Variants in NPAS3 observed in about 807,000 individuals in gnomAD.
NPAS3 encodes neuronal PAS domain-containing protein 3.
A neutral mutation model predicts 73.1 loss-of-function variants in NPAS3; 14 were observed. That is an observed-to-expected ratio of 0.19 (90% CI 0.13 to 0.30). NPAS3 has a LOEUF of 0.30. Among genes scored for constraint, NPAS3 ranks in the 10% least tolerant of loss-of-function variants. The pLI, the probability that NPAS3 is intolerant of heterozygous loss-of-function variation, is 1.00. For synonymous variants in NPAS3, 620 were observed against 541.5 expected, an observed-to-expected ratio of 1.14 and a Z score of -2.01; for missense variants, 1,096 against 1,250.0, an observed-to-expected ratio of 0.88 and a Z score of 1.86.
At chr14:33,785,199 G>A (rs1304935025) in intron 9 of NPAS3, among the ~76,000 whole-genome samples, 4 of 151,672 alleles carry the variant, frequency 2.6e-5, no homozygotes, top group African/African-American at 9.7e-5. Context: ...ACTTTGGGAG[G>A]CCAAGGCGGG....
intron 4 of NPAS3, among the ~76,000 whole-genome samples, chr14:33,479,806 T>C (rs1246404260): frequency 6.6e-6 from 1 of 152,152 alleles, no homozygotes; most frequent in Non-Finnish European, 1.5e-5. Flanking sequence ...AGGAAATGCG[T>C]TTGTCCTTTT....
At chr14:33,006,764 T>A (rs1332062115) in intron 1 of NPAS3, among the ~76,000 whole-genome samples, 1 of 152,218 alleles carries the variant, frequency 6.6e-6, no homozygotes, top group East Asian at 1.9e-4. Context: ...TAACGTTTCA[T>A]AATGAGAAAT....
intron 1 of NPAS3, among the ~76,000 whole-genome samples, chr14:32,990,500 T>C (rs2038286524): frequency 6.6e-6 from 1 of 152,144 alleles, no homozygotes; most frequent in Non-Finnish European, 1.5e-5. Flanking sequence ...TATTCCTCCT[T>C]CCCTCATTGC....
intron 5 of NPAS3, among the ~76,000 whole-genome samples, chr14:33,665,859 GAAAA>G (rs897100250): frequency 6.7e-6 from 1 of 149,012 alleles, no homozygotes; most frequent in Non-Finnish European, 1.5e-5. Flanking sequence ...CACCTACTGG[GAAAA>G]AAAAAATCGT....
At chr14:33,676,285 C>T (rs1242923261) in exon 6 of NPAS3, 11 of 1,613,534 alleles carry the variant, frequency 6.8e-6, no homozygotes, top group Non-Finnish European at 9.3e-6. Context: ...AGCAGCTGGG[C>T]ATGAAGCTCC....
chr14:33,499,959 G>C (rs1370023034), intron 4 of NPAS3, among the ~76,000 whole-genome samples: 1 of 151,930 alleles, frequency 6.6e-6, no homozygotes, highest in Admixed American at 6.6e-5. Flanking sequence ...GTCTTGTGGA[G>C]TCTGAACGGA....
chr14:33,303,346 C>G (rs1348092303), intron 3 of NPAS3, among the ~76,000 whole-genome samples: 1 of 151,730 alleles, frequency 6.6e-6, no homozygotes, highest in Non-Finnish European at 1.5e-5. Flanking sequence ...ATTTAACCTA[C>G]TTTAAAAAAT....
rs753105654 is a variant in NPAS3 at position 33,800,209 on chromosome 14, G to A, written c.1902G>A (p.Pro634=). ...TGGACGCGGGCCTGGTGGAGCCCCCGCGGCTGCTGTCCTCCCCCAACAGTG... is the reference window on the plus strand; with the variant it reads ...TGGACGCGGGCCTGGTGGAGCCCCCACGGCTGCTGTCCTCCCCCAACAGTG... The change falls in exon 12 of 12, where the codon CCG becomes CCA. Residue 634 remains proline (P), a synonymous_variant. Transcript: ENST00000356141. The surrounding 1 kb of genome is among the most constrained non-coding windows in gnomAD (Gnocchi z 6.5). 1.9e-6 allele frequency: 3 copies of A among 1,612,324 alleles called. No homozygotes were observed. The South Asian group carries it at 3.3e-5, about 18-fold the overall frequency.
intron 4 of NPAS3, among the ~76,000 whole-genome samples, chr14:33,402,916 T>C (rs772177952): frequency 6.6e-6 from 1 of 152,110 alleles, no homozygotes; most frequent in Non-Finnish European, 1.5e-5. Context: ...TTCCAGCAGA[T>C]AATATGTGGG....
At chr14:33,287,725 A>G (rs2041935578) in intron 3 of NPAS3, among the ~76,000 whole-genome samples, 1 of 152,168 alleles carries the variant, frequency 6.6e-6, no homozygotes, top group Non-Finnish European at 1.5e-5. Flanking sequence ...AGAAGGGGTT[A>G]GAATTCAGAG....
chr14:33,500,099 A>T (rs1049398132), intron 4 of NPAS3, among the ~76,000 whole-genome samples: 22 of 151,952 alleles, frequency 1.4e-4, no homozygotes, highest in South Asian at 6.2e-4. Flanking sequence ...CAAAAACGGA[A>T]GGGAGTTTGA....
chr14:33,367,989 C>T (rs987616220), intron 4 of NPAS3, among the ~76,000 whole-genome samples: 1 of 152,020 alleles, frequency 6.6e-6, no homozygotes, highest in African/African-American at 2.4e-5. Flanking sequence ...GATAATTGTG[C>T]CACACTGGTC....
chr14:33,175,593 G>T (rs1030370255), intron 2 of NPAS3, among the ~76,000 whole-genome samples: 1 of 152,126 alleles, frequency 6.6e-6, no homozygotes, highest in African/African-American at 2.4e-5. Flanking sequence ...TGATAAATCT[G>T]CTTCTCTAAG....
chr14:33,220,366 G>A lies in NPAS3; in HGVS notation c.385+4940G>A, dbSNP rs144551146. Among the ~76,000 whole-genome samples the A allele has an allele frequency of 7.9e-5, 12 of 152,280 alleles. 1 individual carries two copies. The East Asian group carries it at 2.1e-3, about 27-fold the overall frequency. On this transcript the variant is annotated intron_variant, in intron 3 of 11. Transcript: ENST00000356141. ...TCGTTGTTGTTTATTTTGGGAGTGA[G>A]TGCCAGGTTTTACTAGGACATGGAA...
intron 2 of NPAS3, among the ~76,000 whole-genome samples, chr14:33,202,014 A>G (rs2046637785): frequency 6.6e-6 from 1 of 152,182 alleles, no homozygotes; most frequent in Non-Finnish European, 1.5e-5. Flanking sequence ...TTGTTTTTCC[A>G]TGAGCAACTT....
intron 4 of NPAS3, among the ~76,000 whole-genome samples, chr14:33,404,170 A>G (rs1432815624): frequency 6.6e-6 from 1 of 152,154 alleles, no homozygotes; most frequent in Non-Finnish European, 1.5e-5. Context: ...TCAAAGTAGC[A>G]TATGGTATTT....
chr14:33,060,654 C>T (rs1312338822), intron 2 of NPAS3, among the ~76,000 whole-genome samples: 3 of 152,308 alleles, frequency 2.0e-5, no homozygotes, highest in Middle Eastern at 3.4e-3. Flanking sequence ...TTCATTCCAC[C>T]TGGATGCCTG....
At position 33,614,755 on chromosome 14, in the gene NPAS3, G is replaced by A. The variant is rs559004425; in HGVS notation, c.558+54545G>A. Among the ~76,000 whole-genome samples the A allele has an allele frequency of 3.3e-5, 5 of 152,180 alleles. No individual in the cohort carries two copies. The South Asian group carries it at 1.0e-3, about 32-fold the overall frequency. On this transcript the variant is annotated intron_variant, in intron 5 of 11. Coordinates refer to ENST00000356141, the Ensembl canonical transcript of NPAS3. ...AAACCCCAAATTTGAAGGAACAGAG[G>A]CTTTTCAAACCTAGATTATTTAAAG...
intron 6 of NPAS3, among the ~76,000 whole-genome samples, chr14:33,718,064 G>C (rs1207135406): frequency 6.6e-6 from 1 of 151,888 alleles, no homozygotes; most frequent in Admixed American, 6.6e-5. Context: ...TGCAGGCCTG[G>C]GGAAAACACA....
Sources: allele counts gnomAD v4.1 joint callset (sites outside exome capture counted in the v4.1 genomes callset), GRCh38; gene constraint gnomAD v4.1.1; non-coding constraint Gnocchi (gnomAD v3.1); transcripts MANE v1.5; gene names NCBI Gene and HGNC (gene_info 2026-07-23, HGNC 2026-07-21).